Variants in GARNL3 observed in about 807,000 individuals in gnomAD.
The protein encoded by GARNL3 is GTPase activating Rap/RanGAP domain like 3.
Under a neutral mutation model 125.0 loss-of-function variants are expected in GARNL3, and 63 were observed. That is an observed-to-expected ratio of 0.50 (90% CI 0.41 to 0.62). The LOEUF (loss-of-function observed/expected upper bound fraction) is 0.62, where lower values mean the gene tolerates loss of function less well. Among genes scored for constraint, GARNL3 ranks in the 20% least tolerant of loss-of-function variants. The pLI, the probability that GARNL3 is intolerant of heterozygous loss-of-function variation, is 0.00. For missense variants in GARNL3, 994 were observed against 1,244.0 expected (o/e 0.80, Z 3.02); for synonymous variants, 439 against 457.5 (o/e 0.96, Z 0.52).
chr9:127,260,215 G>A (rs142018644), upstream of GARNL3, among the ~76,000 whole-genome samples: 450 of 152,288 alleles, frequency 3.0e-3, 3 homozygotes, highest in African/African-American at 0.01. Context: ...GATTAAGTTA[G>A]CCTTGTCCTT....
At chr9:127,302,325 A>T (rs2064822360) in intron 2 of GARNL3, among the ~76,000 whole-genome samples, 1 of 152,184 alleles carries the variant, frequency 6.6e-6, no homozygotes, top group African/African-American at 2.4e-5. Flanking sequence ...AAAAATGTGT[A>T]TACCATTTGG....
intron 22 of GARNL3, among the ~76,000 whole-genome samples, chr9:127,378,587 C>CAA (rs60768775): frequency 1.9e-5 from 2 of 104,084 alleles, no homozygotes; most frequent in African/African-American, 3.6e-5. Flanking sequence ...AACTCCGTCA[C>CAA]AAAAAAAAAA....
intron 22 of GARNL3, among the ~76,000 whole-genome samples, chr9:127,371,922 A>G (rs1192584557): frequency 1.3e-5 from 2 of 152,178 alleles, no homozygotes; most frequent in Non-Finnish European, 2.9e-5. Context: ...GAATAATTGG[A>G]TAGACATGTG....
chr9:127,383,326 TA>T (rs1444714931), intron 22 of GARNL3, 111 bp from the exon 23 acceptor site: 2 of 619,114 alleles, frequency 3.2e-6, no homozygotes, highest in Non-Finnish European at 5.7e-6. Context: ...TGGCTATTTA[TA>T]AAGAACTAGC....
At chr9:127,312,633 T>A (rs544535478) in intron 3 of GARNL3, among the ~76,000 whole-genome samples, 1 of 152,364 alleles carries the variant, frequency 6.6e-6, no homozygotes, top group East Asian at 1.9e-4. Flanking sequence ...CAGGCTAATG[T>A]ATTCATTTGT....
At chr9:127,372,094 G>A (rs1026728252) in intron 22 of GARNL3, among the ~76,000 whole-genome samples, 13 of 152,088 alleles carry the variant, frequency 8.5e-5, no homozygotes, top group Admixed American at 2.6e-4. Flanking sequence ...CACCATGCCC[G>A]GCTAACCAAA....
At chr9:127,321,120 T>G (rs1373502558) in intron 6 of GARNL3, among the ~76,000 whole-genome samples, 1 of 152,218 alleles carries the variant, frequency 6.6e-6, no homozygotes, top group Non-Finnish European at 1.5e-5. Flanking sequence ...TATAGAATTG[T>G]GTGGAACATT....
intron 1 of GARNL3, among the ~76,000 whole-genome samples, chr9:127,270,746 G>T (rs553632431): frequency 8.5e-5 from 13 of 152,140 alleles, no homozygotes; most frequent in Non-Finnish European, 1.3e-4. Context: ...TTACTACTCT[G>T]TATTGTTCAT....
intron 22 of GARNL3, among the ~76,000 whole-genome samples, chr9:127,379,530 A>G (rs1338839114): frequency 1.3e-5 from 2 of 152,232 alleles, no homozygotes; most frequent in Non-Finnish European, 1.5e-5. Context: ...AGAAGTTGGC[A>G]GGATGTGATT....
chr9:127,268,203 T>C (rs969968879), intron 1 of GARNL3, among the ~76,000 whole-genome samples: 3 of 152,210 alleles, frequency 2.0e-5, no homozygotes, highest in Non-Finnish European at 4.4e-5. Flanking sequence ...TCACACCGTG[T>C]CCCCAGGCTG....
intron 5 of GARNL3, 132 bp downstream of exon 5, chr9:127,318,259 A>G (rs1588844072): frequency 2.9e-6 from 2 of 701,286 alleles, no homozygotes; most frequent in Non-Finnish European, 5.2e-6. Flanking sequence ...TTTGCTAAGC[A>G]CTTGACATGA....
chr9:127,371,797 G>A (rs567824181), intron 22 of GARNL3, among the ~76,000 whole-genome samples: 6 of 152,060 alleles, frequency 3.9e-5, no homozygotes, highest in Non-Finnish European at 8.8e-5. Flanking sequence ...TTGGTCAATT[G>A]AACAAAATAA....
upstream of GARNL3, among the ~76,000 whole-genome samples, chr9:127,260,583 G>C (rs1055336029): frequency 1.3e-5 from 2 of 152,322 alleles, no homozygotes; most frequent in East Asian, 3.9e-4. Context: ...TTCGTAAATA[G>C]TTTGGGCTTT....
At chr9:127,339,311 A>AG in intron 12 of GARNL3, among the ~76,000 whole-genome samples, 1 of 151,642 alleles carries the variant, frequency 6.6e-6, no homozygotes, top group Non-Finnish European at 1.5e-5. Context: ...AAAAAAAAAA[A>AG]GAGGTTTAAT....
intron 1 of GARNL3, among the ~76,000 whole-genome samples, chr9:127,270,665 G>C (rs875708): frequency 0.17 from 25,112 of 152,170 alleles, 6,364 homozygotes; most frequent in African/African-American, 0.55. Flanking sequence ...CTGCTATTCT[G>C]TAACTCAACA....
intron 1 of GARNL3, among the ~76,000 whole-genome samples, chr9:127,277,438 T>C (rs1442749737): frequency 6.6e-6 from 1 of 150,398 alleles, no homozygotes; most frequent in African/African-American, 2.5e-5. Context: ...GTAATTAACC[T>C]AATCCTGGGA....
intron 22 of GARNL3, among the ~76,000 whole-genome samples, chr9:127,375,479 A>AG (rs1326794686): frequency 6.6e-6 from 1 of 151,944 alleles, no homozygotes; most frequent in African/African-American, 2.4e-5. Context: ...AAAAAAAAAA[A>AG]AAAAGAAAAG....
chr9:127,275,664 A>G (rs1039454439), intron 1 of GARNL3, among the ~76,000 whole-genome samples: 2 of 152,206 alleles, frequency 1.3e-5, no homozygotes, highest in Non-Finnish European at 2.9e-5. Context: ...GAGTCATGCA[A>G]AAAAATCCAG....
chr9:127,267,532 T>G (rs2063730510), intron 1 of GARNL3, among the ~76,000 whole-genome samples: 1 of 152,206 alleles, frequency 6.6e-6, no homozygotes, highest in Non-Finnish European at 1.5e-5. Context: ...CTGTGTAAAT[T>G]TTGTAAAATT....
Sources: gnomAD v4.1 joint callset for allele counts (sites outside exome capture counted in the v4.1 genomes callset) on GRCh38, gnomAD v4.1.1 for gene constraint, MANE v1.5 for transcripts, NCBI Gene and HGNC (gene_info 2026-07-23, HGNC 2026-07-21) for gene names.